The following FOXP2 variants were observed in gnomAD, a reference collection of about 807,000 sequenced individuals.
The protein encoded by FOXP2 is forkhead box protein P2.
FOXP2 carries 12 observed loss-of-function variants against 115.8 expected under a neutral mutation model. The ratio of observed to expected loss-of-function variants is 0.10; its 90% CI spans 0.07 to 0.17. FOXP2 has a LOEUF of 0.17. Among genes scored for constraint, FOXP2 ranks in the 10% least tolerant of loss-of-function variants. FOXP2 has a pLI of 1.00. For synonymous variants in FOXP2, 328 were observed against 297.7 expected (o/e 1.10, Z -1.05); for missense variants, 629 against 843.5 (o/e 0.75, Z 3.15).
chr7:114,641,704 A>T (rs1805538555), intron 6 of FOXP2, among the ~76,000 whole-genome samples: 1 of 151,834 alleles, frequency 6.6e-6, no homozygotes, highest in Non-Finnish European at 1.5e-5. Flanking sequence ...TTCCTCACTG[A>T]TTTAAAAACA....
chr7:114,598,438 G>T (rs1802840027), intron 3 of FOXP2, among the ~76,000 whole-genome samples: 1 of 152,082 alleles, frequency 6.6e-6, no homozygotes, highest in Non-Finnish European at 1.5e-5. Flanking sequence ...TGTCATCAAT[G>T]TTCTGATAAT....
intron 2 of FOXP2, among the ~76,000 whole-genome samples, chr7:114,469,734 G>A (rs2129229565): frequency 6.6e-6 from 1 of 152,186 alleles, no homozygotes; most frequent in South Asian, 2.1e-4. Flanking sequence ...CTTCTGATTT[G>A]CCATAGTATG....
At chr7:114,383,552 A>G (rs1792363546) in intron 2 of FOXP2, among the ~76,000 whole-genome samples, 1 of 152,180 alleles carries the variant, frequency 6.6e-6, no homozygotes, top group Non-Finnish European at 1.5e-5. Context: ...AAGTTTGCAC[A>G]TATGGCACTT....
intron 16 of FOXP2, among the ~76,000 whole-genome samples, chr7:114,684,564 T>A (rs1213921584): frequency 6.6e-6 from 1 of 152,228 alleles, no homozygotes; most frequent in Non-Finnish European, 1.5e-5. Flanking sequence ...AAGTTTTGAA[T>A]ATTCGCAGGT....
chr7:114,521,088 G>T (rs1221996056), intron 2 of FOXP2, among the ~76,000 whole-genome samples: 1 of 151,982 alleles, frequency 6.6e-6, no homozygotes, highest in African/African-American at 2.4e-5. Flanking sequence ...TTTGAAATTT[G>T]TTTCTATTTT....
At chr7:114,356,388 C>T (rs1187607469) in intron 2 of FOXP2, among the ~76,000 whole-genome samples, 2 of 152,102 alleles carry the variant, frequency 1.3e-5, no homozygotes, top group African/African-American at 4.8e-5. Context: ...TCTGTTAATT[C>T]AGGGTCAAGC....
Position 114,664,141 on chromosome 7 carries a change from TCAATACA to T in FOXP2, c.1840-131_1840-125del. On this transcript the variant is annotated intron_variant, in intron 15 of 16. Transcript: ENST00000350908. ...CAAGTAGCCAGTTAGGAATTTTTTT[TCAATACA>T]TTTTCTTTTAATCCTTCTAAAATAT... 7.6e-6 allele frequency: 8 copies of T among 1,048,492 alleles called. No individual in the cohort carries two copies. In the Admixed American group the frequency reaches 1.2e-4, roughly 15 times the overall value. 64.9% of individuals were successfully genotyped at this position (1,048,492 alleles called of 1,614,324 possible).
chr7:114,498,243 A>T (rs1267714072), intron 2 of FOXP2, among the ~76,000 whole-genome samples: 1 of 152,164 alleles, frequency 6.6e-6, no homozygotes, highest in African/African-American at 2.4e-5. Flanking sequence ...GGAAGTGTAA[A>T]CATTTCATTT....
At chr7:114,644,257 T>G (rs1167069808) in intron 7 of FOXP2, among the ~76,000 whole-genome samples, 2 of 152,132 alleles carry the variant, frequency 1.3e-5, no homozygotes, top group Non-Finnish European at 2.9e-5. Context: ...ATTAAACAAA[T>G]TAAATGATCC....
At chr7:114,457,864 C>G (rs1795385588) in intron 2 of FOXP2, among the ~76,000 whole-genome samples, 1 of 149,756 alleles carries the variant, frequency 6.7e-6, no homozygotes, top group African/African-American at 2.5e-5. Context: ...TGCCACTGTA[C>G]TCCAGCTGGG....
intron 2 of FOXP2, among the ~76,000 whole-genome samples, chr7:114,312,666 G>A (rs1314653368): frequency 1.3e-5 from 2 of 152,158 alleles, no homozygotes; most frequent in Non-Finnish European, 2.9e-5. Flanking sequence ...AGCACAGCAG[G>A]CAGCATAAGC....
At chr7:114,367,223 A>C (rs1406196346) in intron 2 of FOXP2, among the ~76,000 whole-genome samples, 2 of 152,176 alleles carry the variant, frequency 1.3e-5, no homozygotes, top group East Asian at 3.8e-4. Flanking sequence ...TTAGCAATAA[A>C]TAAGGAAGTG....
upstream of FOXP2, among the ~76,000 whole-genome samples, chr7:114,161,210 C>G (rs1339327732): frequency 1.3e-5 from 2 of 151,998 alleles, no homozygotes; most frequent in African/African-American, 4.8e-5. Context: ...CAAATTTGGC[C>G]AAGATTAGTT....
intron 3 of FOXP2, among the ~76,000 whole-genome samples, chr7:114,548,407 G>A (rs1402936808): frequency 6.6e-6 from 1 of 152,148 alleles, no homozygotes; most frequent in African/African-American, 2.4e-5. Flanking sequence ...AAAAATAGAA[G>A]GATGAATTTT....
At chr7:114,474,214 A>G (rs969190555) in intron 2 of FOXP2, among the ~76,000 whole-genome samples, 1 of 152,216 alleles carries the variant, frequency 6.6e-6, no homozygotes, top group African/African-American at 2.4e-5. Context: ...AGCAAAGTCC[A>G]ATGTCTTCGT....
intron 2 of FOXP2, among the ~76,000 whole-genome samples, chr7:114,530,809 A>C (rs2129275264): frequency 6.6e-6 from 1 of 152,036 alleles, no homozygotes; most frequent in Non-Finnish European, 1.5e-5. Context: ...AATTTAGTTA[A>C]AATTGCACAG....
intron 1 of FOXP2, among the ~76,000 whole-genome samples, chr7:114,164,481 G>C (rs1052300387): frequency 6.6e-6 from 1 of 151,660 alleles, no homozygotes; most frequent in African/African-American, 2.4e-5. Context: ...GAGTAGCTGG[G>C]ACTACAGATG....
At chr7:114,626,440 A>G (rs964477029) in intron 3 of FOXP2, among the ~76,000 whole-genome samples, 7 of 151,810 alleles carry the variant, frequency 4.6e-5, no homozygotes, top group Admixed American at 6.6e-5. Flanking sequence ...TTAAGGGATA[A>G]TTAAAACGCT....
intron 2 of FOXP2, among the ~76,000 whole-genome samples, chr7:114,380,828 A>G (rs552325603): frequency 1.8e-4 from 28 of 152,358 alleles, no homozygotes; most frequent in African/African-American, 6.0e-4. Flanking sequence ...GTAAACAATG[A>G]GGCCAACCCT....
Sources: allele counts gnomAD v4.1 joint callset (sites outside exome capture counted in the v4.1 genomes callset), GRCh38; gene constraint gnomAD v4.1.1; transcripts MANE v1.5; gene names NCBI Gene and HGNC (gene_info 2026-07-23, HGNC 2026-07-21).